The following AOAH variants were observed in gnomAD, a reference collection of about 807,000 sequenced individuals.
AOAH encodes the protein acyloxyacyl hydrolase, also known as acyloxyacyl hydrolase (neutrophil).
In AOAH, 64 loss-of-function variants were observed where a neutral mutation model predicts 92.2. The ratio of observed to expected loss-of-function variants is 0.69; its 90% CI spans 0.57 to 0.86. The LOEUF is 0.86. Ranked by LOEUF, AOAH falls within the 40% of genes least tolerant of loss-of-function variation. AOAH has a pLI of 0.00. For synonymous variants in AOAH, 263 were observed against 254.5 expected, an observed-to-expected ratio of 1.03 and a Z score of -0.32; for missense variants, 656 against 694.6, an observed-to-expected ratio of 0.94 and a Z score of 0.62.
chr7:36,693,642 T>C (rs1467406426), intron 1 of AOAH, among the ~76,000 whole-genome samples: 1 of 152,014 alleles, frequency 6.6e-6, no homozygotes. Context: ...AAGTTTGGAG[T>C]CTGGATTGAG....
intron 3 of AOAH, among the ~76,000 whole-genome samples, chr7:36,661,491 C>A (rs938571120): frequency 6.6e-6 from 1 of 152,164 alleles, no homozygotes; most frequent in Non-Finnish European, 1.5e-5. Context: ...CTTTCAGAGG[C>A]CTGGGTATTT....
chr7:36,626,912 C>T (rs919584383), intron 6 of AOAH, among the ~76,000 whole-genome samples: 21 of 152,256 alleles, frequency 1.4e-4, no homozygotes, highest in African/African-American at 5.1e-4. Context: ...AGGCAATGTG[C>T]CCGGCAACTC....
At chr7:36,557,064 A>G (rs1215810727) in intron 13 of AOAH, among the ~76,000 whole-genome samples, 2 of 151,602 alleles carry the variant, frequency 1.3e-5, no homozygotes, top group South Asian at 2.1e-4. Context: ...TAGTTGATGC[A>G]GTTTCTTCCT....
chr7:36,540,998 G>A (rs1266568056), intron 15 of AOAH, among the ~76,000 whole-genome samples: 1 of 152,232 alleles, frequency 6.6e-6, no homozygotes, highest in Non-Finnish European at 1.5e-5. Context: ...TGAAATGAAA[G>A]GGGTCTGGTA....
intron 13 of AOAH, among the ~76,000 whole-genome samples, chr7:36,563,977 T>A (rs775849157): frequency 6.6e-6 from 1 of 152,232 alleles, no homozygotes; most frequent in African/African-American, 2.4e-5. Context: ...GAATTTCAGC[T>A]AAATGATTCT....
At chr7:36,705,241 T>A (rs1798318026) in intron 1 of AOAH, among the ~76,000 whole-genome samples, 1 of 152,114 alleles carries the variant, frequency 6.6e-6, no homozygotes, top group Non-Finnish European at 1.5e-5. Context: ...GAAAACCCCA[T>A]CGTCTCAGCC....
At chr7:36,699,176 C>T (rs1043746728) in intron 1 of AOAH, among the ~76,000 whole-genome samples, 3 of 152,012 alleles carry the variant, frequency 2.0e-5, no homozygotes, top group Admixed American at 2.0e-4. Flanking sequence ...CATTGTGTAT[C>T]GTACCATATT....
At position 36,660,163 on chromosome 7, in the gene AOAH, G is replaced by A. The variant is rs181236101; in HGVS notation, c.291-898C>T. 6.2e-4 allele frequency among the ~76,000 whole-genome samples: 95 copies of A among 152,262 alleles called. 1 individual carries two copies. Among genetic ancestry groups the A allele is most frequent in the Middle Eastern group, 3.4e-3 (1 of 294 alleles). On this transcript the variant is annotated intron_variant, in intron 3 of 20. Coordinates refer to ENST00000617537, the MANE Select transcript of AOAH (RefSeq NM_001637.4). ...GCTTCCCCATCTCCCTTCGCTGACT[G>A]TCTTTTCGGACTCAGCCCACTTGCA...
intron 12 of AOAH, among the ~76,000 whole-genome samples, chr7:36,588,678 G>A (rs1215252154): frequency 6.6e-6 from 1 of 152,150 alleles, no homozygotes; most frequent in Non-Finnish European, 1.5e-5. Flanking sequence ...TTGGTTCAGT[G>A]TTATACACTG....
chr7:36,683,438 C>G (rs1439388294), intron 2 of AOAH, among the ~76,000 whole-genome samples: 1 of 152,018 alleles, frequency 6.6e-6, no homozygotes, highest in Non-Finnish European at 1.5e-5. Flanking sequence ...TGGCTATATG[C>G]TCAGATAAGG....
intron 2 of AOAH, among the ~76,000 whole-genome samples, chr7:36,683,658 T>C (rs1796783323): frequency 6.6e-6 from 1 of 152,120 alleles, no homozygotes; most frequent in African/African-American, 2.4e-5. Context: ...AATTGGGAGT[T>C]TGTGTGGAAA....
intron 15 of AOAH, among the ~76,000 whole-genome samples, chr7:36,543,214 C>T (rs939587898): frequency 4.6e-5 from 7 of 152,202 alleles, no homozygotes; most frequent in African/African-American, 9.7e-5. Flanking sequence ...CCAGCTATGA[C>T]GATTTGCGAC....
intron 2 of AOAH, among the ~76,000 whole-genome samples, chr7:36,680,924 T>C (rs1241879187): frequency 6.6e-6 from 1 of 152,210 alleles, no homozygotes; most frequent in Non-Finnish European, 1.5e-5. Context: ...GGCTCTGACA[T>C]TTCCTGTTCG....
chr7:36,703,522 C>A (rs1307954588), intron 1 of AOAH, among the ~76,000 whole-genome samples: 3 of 152,102 alleles, frequency 2.0e-5, no homozygotes, highest in East Asian at 3.9e-4. Flanking sequence ...TTCGGTATTT[C>A]TCCTAATGCT....
At chr7:36,539,348 T>C (rs993510109) in intron 16 of AOAH, among the ~76,000 whole-genome samples, 1 of 152,174 alleles carries the variant, frequency 6.6e-6, no homozygotes, top group African/African-American at 2.4e-5. Context: ...GCTGTCAATA[T>C]GGGGCTGAGA....
chr7:36,714,379 G>T (rs1048401311), intron 1 of AOAH, among the ~76,000 whole-genome samples: 1 of 152,174 alleles, frequency 6.6e-6, no homozygotes, highest in Non-Finnish European at 1.5e-5. Context: ...TGGATTCACA[G>T]CCGAATTCTA....
intron 11 of AOAH, among the ~76,000 whole-genome samples, chr7:36,613,848 C>T (rs1216095167): frequency 2.0e-5 from 3 of 152,182 alleles, no homozygotes; most frequent in African/African-American, 4.8e-5. Context: ...TTCCCATAAG[C>T]GTTTTTCAAA....
intron 12 of AOAH, among the ~76,000 whole-genome samples, chr7:36,580,214 A>G (rs1285372391): frequency 6.6e-6 from 1 of 152,052 alleles, no homozygotes; most frequent in Non-Finnish European, 1.5e-5. Flanking sequence ...CCCTACAACT[A>G]TTGGGTCATC....
chr7:36,631,948 T>A, intron 6 of AOAH, 88 bp downstream of exon 6: 1 of 1,003,890 alleles, frequency 1.0e-6, no homozygotes, highest in South Asian at 1.5e-5. Flanking sequence ...CTTTTAAGTG[T>A]GAAGATCATT....
Sources: allele counts gnomAD v4.1 joint callset (sites outside exome capture counted in the v4.1 genomes callset), GRCh38; gene constraint gnomAD v4.1.1; transcripts MANE v1.5; gene names NCBI Gene and HGNC (gene_info 2026-07-23, HGNC 2026-07-21).